HINFP: variants seen among roughly 807,000 people sequenced by gnomAD.
The protein encoded by HINFP is histone H4 transcription factor.
In HINFP, 20 loss-of-function variants were observed where a neutral mutation model predicts 50.1. The ratio of observed to expected loss-of-function variants is 0.40; its 90% confidence interval spans 0.28 to 0.58. HINFP has a LOEUF of 0.58. HINFP is among the 20% of genes least tolerant of loss of function. The probability of loss-of-function intolerance (pLI) is 0.45; values close to 1 mark genes in which losing one functional copy is unlikely to be tolerated. For synonymous variants in HINFP, 247 were observed against 243.7 expected (o/e 1.01, Z -0.13); for missense variants, 505 against 664.1 (o/e 0.76, Z 2.63).
At position 119,132,792 on chromosome 11, in the gene HINFP, C is replaced by T. The variant is rs1947844482; in HGVS notation, c.875+11C>T. ...CTGTTGTGACTACAGGTAAGGGGGA[C>T]CAGGGACCAGAAAACAGCTCATGTT... On this transcript the variant is annotated intron_variant, in intron 7 of 9. Coordinates refer to ENST00000350777, the MANE Select transcript of HINFP (RefSeq NM_198971.3). 1 of 1,613,480 alleles carries T rather than the reference C, an allele frequency of 6.2e-7. No individual in the cohort carries two copies. The highest frequency in any genetic ancestry group is 8.5e-7 in the Non-Finnish European group (1 of 1,180,038).
intron 2 of HINFP, among the ~76,000 whole-genome samples, chr11:119,129,334 C>G (rs616458): frequency 0.64 from 97,163 of 151,656 alleles, 32,413 homozygotes; most frequent in African/African-American, 0.81. Context: ...CCACTGCGCC[C>G]GACCAAAGCC....
chr11:119,125,061 CA>C (rs1201780386), intron 1 of HINFP: 1 of 102,804 alleles, frequency 9.7e-6, no homozygotes, highest in East Asian at 3.0e-4. Flanking sequence ...TTTTTTGAGA[CA>C]GAGTCTTACT....
At position 119,134,468 on chromosome 11, in the gene HINFP, A is replaced by G. The variant is rs1565805116; in HGVS notation, c.1524A>G (p.Ile508Met). The change falls in exon 10 of 10, where the codon ATA becomes ATG. Residue 508 changes from isoleucine (I) to methionine (M), a missense_variant. Coordinates refer to ENST00000350777, the MANE Select transcript of HINFP (RefSeq NM_198971.3). This position sits in a 1 kb window ranked among gnomAD's most constrained non-coding sequence, Gnocchi z 4.3. ...SGGIMEKLQG[I>M]AEEPEIQMV ...GCATCATGGAAAAGCTTCAAGGAATAGCTGAGGAGCCAGAGATCCAGATGG... is the reference window on the plus strand; with the variant it reads ...GCATCATGGAAAAGCTTCAAGGAATGGCTGAGGAGCCAGAGATCCAGATGG... 6.2e-7 allele frequency: 1 copy of G among 1,608,378 alleles called. No individual in the cohort carries two copies. Among genetic ancestry groups the G allele is most frequent in the East Asian group, 2.2e-5 (1 of 44,760 alleles).
At chr11:119,133,070 C>A in intron 8 of HINFP, 25 bp from the exon 9 acceptor site, 1 of 1,614,222 alleles carries the variant, frequency 6.2e-7, no homozygotes, top group Non-Finnish European at 8.5e-7. Context: ...GAGCTGGTCT[C>A]ATTTCTCCCT....
chr11:119,130,864 T>C lies in HINFP; in HGVS notation c.321T>C (p.Ala107=), dbSNP rs150010977. 147 of 1,614,236 alleles carry C rather than the reference T, an allele frequency of 9.1e-5. 1 individual carries two copies. In the Admixed American group the frequency reaches 1.0e-3, roughly 11 times the overall value. ...GGCTGCAGGCCTTGCAAAGCCAGGC[T>C]GACCTTGGCCCCTGCATCCTGGACT... is the stretch of plus-strand genomic sequence containing the variant. The part of the protein sequence containing the change: ...QWGLQALQSQ[A]DLGPCILDFQ... The change falls in exon 3 of 10, where the codon GCT becomes GCC. Residue 107 remains alanine (A), a synonymous_variant. Coordinates refer to ENST00000350777, the MANE Select transcript of HINFP (RefSeq NM_198971.3).
rs572230362 is a variant in HINFP at position 119,133,100 on chromosome 11, C to T, written c.1020C>T (p.Asp340=). The T allele has an allele frequency of 5.6e-6, 9 of 1,614,252 alleles. No homozygotes were observed. The highest frequency in any genetic ancestry group is 5.5e-5 in the South Asian group (5 of 91,084). ...CTCCCTTCCTTCCCCATCAGGGAGA[C>T]TCTGAGCCAAGGTACAAATGTCATG... The part of the protein sequence containing the change: ...KSHYRKVHEG[D]SEPRYKCHVC... Residue 340 remains aspartate (D), a synonymous_variant, in exon 9 of 10, where the codon GAC becomes GAT. Coordinates refer to ENST00000350777, the MANE Select transcript of HINFP (RefSeq NM_198971.3).
At chr11:119,128,940 C>T (rs1947580573) in intron 2 of HINFP, among the ~76,000 whole-genome samples, 1 of 151,836 alleles carries the variant, frequency 6.6e-6, no homozygotes, top group African/African-American at 2.4e-5. Context: ...TTATTATACC[C>T]ATTTTACAAA....
At position 119,131,739 on chromosome 11, in the gene HINFP, G is replaced by A; in HGVS notation, c.524-91G>A. ...AGGGATAGGGGTCCTACAGGGGCAAGGTTGACTGCCGGCTGGAGAGACTCA... is the reference window on the plus strand; with the variant it reads ...AGGGATAGGGGTCCTACAGGGGCAAAGTTGACTGCCGGCTGGAGAGACTCA... On this transcript the variant is annotated intron_variant, in intron 4 of 9. Coordinates refer to ENST00000350777, the MANE Select transcript of HINFP (RefSeq NM_198971.3). The surrounding 1 kb of genome is among the most constrained non-coding windows in gnomAD (Gnocchi z 4.2). 1.3e-6 allele frequency: 2 copies of A among 1,599,804 alleles called. No homozygotes were observed. Among genetic ancestry groups the A allele is most frequent in the Middle Eastern group, 1.9e-4 (1 of 5,190 alleles).
intron 5 of HINFP, 125 bp from the exon 6 acceptor site, chr11:119,132,371 A>G (rs1947811507): frequency 1.1e-6 from 1 of 873,380 alleles, no homozygotes; most frequent in Non-Finnish European, 1.8e-6. Context: ...GTGTCCATTC[A>G]TAGCTCCCTA....
chr11:119,127,645 C>G (rs1451457821), intron 2 of HINFP, among the ~76,000 whole-genome samples: 1 of 151,774 alleles, frequency 6.6e-6, no homozygotes, highest in African/African-American at 2.4e-5. Flanking sequence ...TCAAGGGATC[C>G]TCCTGCCTCA....
In HINFP at chr11:119,134,625, A is replaced by G; in HGVS notation, c.*127A>G. ...AGTGGTGCCGAGAGCAGTGTGGTCC[A>G]CTCTGGCCTGGGTTTGCATCATTCT... On this transcript the variant is annotated 3_prime_UTR_variant, in exon 10 of 10. Coordinates refer to ENST00000350777, the MANE Select transcript of HINFP (RefSeq NM_198971.3). This position sits in a 1 kb window ranked among gnomAD's most constrained non-coding sequence, Gnocchi z 4.3. 1 of 676,916 alleles carries G rather than the reference A, an allele frequency of 1.5e-6. No homozygotes were observed. The highest frequency in any genetic ancestry group is 2.4e-6 in the Non-Finnish European group (1 of 416,210). 41.9% of individuals were successfully genotyped at this position (676,916 alleles called of 1,614,324 possible).
At chr11:119,133,314 C>CT in intron 9 of HINFP, 95 bp downstream of exon 9, 2 of 1,506,198 alleles carry the variant, frequency 1.3e-6, no homozygotes, top group Non-Finnish European at 1.8e-6. Context: ...GGCGCGGTGG[C>CT]TCACGCCTGT....
In HINFP at chr11:119,130,897, C is replaced by T. The variant is rs748723154; in HGVS notation, c.354C>T (p.Ser118=). 5 of 1,614,220 alleles carry T rather than the reference C, an allele frequency of 3.1e-6. No individual in the cohort carries two copies. ...DLGPCILDFQ[S]RNVIPDIPDH... ...GCCCCTGCATCCTGGACTTCCAGAG[C>T]CGGAACGTCATCCCTGATATCCCTG... is the stretch of plus-strand genomic sequence containing the variant. The change falls in exon 3 of 10, where the codon AGC becomes AGT. Residue 118 remains serine (S), a synonymous_variant. Transcript: ENST00000350777.
Position 119,132,789 on chromosome 11 carries a change from G to A in HINFP, c.875+8G>A, listed in dbSNP as rs1947843967. 2 of 1,613,418 alleles carry A rather than the reference G, an allele frequency of 1.2e-6. No homozygotes were observed. The highest frequency in any genetic ancestry group is 2.2e-5 in the South Asian group (2 of 91,086). On this transcript the variant is annotated splice_region_variant and intron_variant, in intron 7 of 9. Transcript: ENST00000350777. ...TGACTGTTGTGACTACAGGTAAGGGGGACCAGGGACCAGAAAACAGCTCAT... is the reference window on the plus strand; with the variant it reads ...TGACTGTTGTGACTACAGGTAAGGGAGACCAGGGACCAGAAAACAGCTCAT...
chr11:119,133,243 C>T, intron 9 of HINFP, 24 bp downstream of exon 9: 1 of 1,611,814 alleles, frequency 6.2e-7, no homozygotes. Flanking sequence ...CCCTCCTTCC[C>T]AGATTAACAC....
chr11:119,129,145 A>G (rs1229447199), intron 2 of HINFP, among the ~76,000 whole-genome samples: 1 of 152,002 alleles, frequency 6.6e-6, no homozygotes, highest in Non-Finnish European at 1.5e-5. Context: ...GGTTCAAGTG[A>G]TTCTCCTGCT....
intron 2 of HINFP, 24 bp from the exon 3 acceptor site, chr11:119,130,701 T>C: frequency 6.2e-7 from 1 of 1,606,700 alleles, no homozygotes; most frequent in Non-Finnish European, 8.5e-7. Context: ...TGTCAGACTC[T>C]TCCTTTTAAA....
chr11:119,130,872 G>T lies in HINFP; in HGVS notation c.329G>T (p.Gly110Val). The T allele has an allele frequency of 6.2e-7, 1 of 1,614,202 alleles. No homozygotes were observed. The highest frequency in any genetic ancestry group is 8.5e-7 in the Non-Finnish European group (1 of 1,180,044). Residue 110 changes from glycine to valine, a missense_variant, in exon 3 of 10, where the codon GGC (glycine) becomes GTC (valine). By Grantham distance (109) the Gly-to-Val change is moderately radical (BLOSUM62 -3). Transcript: ENST00000350777. The stretch of plus-strand genomic sequence containing the variant: ...GCCTTGCAAAGCCAGGCTGACCTTG[G>T]CCCCTGCATCCTGGACTTCCAGAGC... ...LQALQSQADL[G>V]PCILDFQSRN... is the part of the protein sequence containing the mutation.
Position 119,132,462 on chromosome 11 carries a change from A to G in HINFP, c.677-34A>G, listed in dbSNP as rs369983660. On this transcript the variant is annotated intron_variant, in intron 5 of 9. Coordinates refer to ENST00000350777, the MANE Select transcript of HINFP (RefSeq NM_198971.3). ...TTTCTGTGCCTCTCCACTATCACCTACAGCCCTCCTTTCTTCTGCCTGCCC... is the reference window on the plus strand; with the variant it reads ...TTTCTGTGCCTCTCCACTATCACCTGCAGCCCTCCTTTCTTCTGCCTGCCC... 2.5e-5 allele frequency: 41 copies of G among 1,609,166 alleles called. No homozygotes were observed. The African/African-American group carries it at 5.4e-4, about 21-fold the overall frequency.
Sources: allele counts gnomAD v4.1 joint callset (sites outside exome capture counted in the v4.1 genomes callset), GRCh38; gene constraint gnomAD v4.1.1; non-coding constraint Gnocchi (gnomAD v3.1); transcripts MANE v1.5; gene names NCBI Gene and HGNC (gene_info 2026-07-23, HGNC 2026-07-21).